The following DNMT3B variants were observed in gnomAD, a reference collection of about 807,000 sequenced individuals.
DNMT3B encodes the protein DNA methyltransferase 3 beta.
Under a neutral mutation model 120.2 loss-of-function variants are expected in DNMT3B, and 37 were observed. The observed-to-expected ratio is 0.31, with a 90% confidence interval of 0.24 to 0.40. DNMT3B has a LOEUF of 0.40. Among genes scored for constraint, DNMT3B ranks in the 10% least tolerant of loss-of-function variants. DNMT3B has a pLI of 1.00. For missense variants in DNMT3B, 878 were observed against 1,137.3 expected (o/e 0.77, Z 3.28); for synonymous variants, 412 against 442.8 (o/e 0.93, Z 0.87).
intron 1 of DNMT3B, among the ~76,000 whole-genome samples, chr20:32,779,402 C>T (rs1180968279): frequency 6.6e-6 from 1 of 152,156 alleles, no homozygotes; most frequent in East Asian, 1.9e-4. Context: ...AGGTGAGCTC[C>T]CCAGTCTCCC....
chr20:32,797,054 G>T, intron 13 of DNMT3B, 133 bp from the exon 14 acceptor site: 1 of 1,605,988 alleles, frequency 6.2e-7, no homozygotes, highest in Non-Finnish European at 8.5e-7. Flanking sequence ...GTCACAGCCA[G>T]TTGTCCTTTT....
At chr20:32,784,600 T>G (rs985406098) in intron 3 of DNMT3B, among the ~76,000 whole-genome samples, 158 bp from the exon 4 acceptor site, 5 of 152,138 alleles carry the variant, frequency 3.3e-5, no homozygotes, top group African/African-American at 9.7e-5. Context: ...TCTGTCGTGG[T>G]TGGTCTGTGT....
intron 9 of DNMT3B, 145 bp from the exon 10 acceptor site, chr20:32,793,391 C>A: frequency 1.1e-6 from 1 of 908,528 alleles, no homozygotes; most frequent in Non-Finnish European, 1.7e-6. Context: ...TGGCTTGAGC[C>A]CAGGAGGCAG....
intron 1 of DNMT3B, among the ~76,000 whole-genome samples, chr20:32,764,327 A>G (rs1031578139): frequency 2.0e-5 from 3 of 152,194 alleles, no homozygotes; most frequent in Admixed American, 6.5e-5. Flanking sequence ...TTTAGGCATA[A>G]TAGCCTCTAC....
chr20:32,800,724 G>T, intron 17 of DNMT3B, 111 bp from the exon 18 acceptor site: 1 of 1,229,218 alleles, frequency 8.1e-7, no homozygotes. Flanking sequence ...AGCCTTCCTG[G>T]GATTACAGGT....
At chr20:32,785,857 C>T (rs563122913) in intron 4 of DNMT3B, among the ~76,000 whole-genome samples, 5 of 138,552 alleles carry the variant, frequency 3.6e-5, no homozygotes, top group East Asian at 5.0e-4. Flanking sequence ...AGAGTGAACA[C>T]GAATTTTTCT....
Position 32,799,394 on chromosome 20 carries a change from G to A in DNMT3B, c.1759+66G>A, listed in dbSNP as rs1981049774. 6 of 1,553,110 alleles carry A rather than the reference G, an allele frequency of 3.9e-6. No individual in the cohort carries two copies. The East Asian group carries it at 1.1e-4, about 29-fold the overall frequency. On this transcript the variant is annotated intron_variant, in intron 16 of 22. Transcript: ENST00000328111. ...CAACAGGGTAGCCAGGGAGTCAGAAGGCATGGTTAAGGTGTCTGACATCAG... is the reference window on the plus strand; with the variant it reads ...CAACAGGGTAGCCAGGGAGTCAGAAAGCATGGTTAAGGTGTCTGACATCAG...
intron 3 of DNMT3B, 100 bp downstream of exon 3, chr20:32,781,514 G>A: frequency 7.8e-7 from 1 of 1,278,154 alleles, no homozygotes; most frequent in Non-Finnish European, 1.1e-6. Flanking sequence ...ATCTGCAAAT[G>A]TATGGAGGGT....
chr20:32,771,538 G>A (rs553913990), intron 1 of DNMT3B, among the ~76,000 whole-genome samples: 2 of 150,598 alleles, frequency 1.3e-5, no homozygotes, highest in African/African-American at 2.5e-5. Flanking sequence ...GGAAGCTGAG[G>A]CAGGAGAATC....
intron 3 of DNMT3B, 52 bp from the exon 4 acceptor site, chr20:32,784,706 A>G: frequency 6.2e-7 from 1 of 1,600,178 alleles, no homozygotes; most frequent in Non-Finnish European, 8.6e-7. Flanking sequence ...TGTTTCTTTG[A>G]CTTGCTGATA....
chr20:32,801,874 C>T (rs1213513766), intron 19 of DNMT3B, among the ~76,000 whole-genome samples: 1 of 152,164 alleles, frequency 6.6e-6, no homozygotes, highest in Non-Finnish European at 1.5e-5. Flanking sequence ...TGTGAGCCAC[C>T]ATCCCCTGCC....
intron 1 of DNMT3B, among the ~76,000 whole-genome samples, chr20:32,773,934 G>GTTTTTTTTTTTTTTTT (rs1161730284): frequency 1.3e-4 from 9 of 69,152 alleles, no homozygotes; most frequent in African/African-American, 5.3e-4. Flanking sequence ...CCCGGCAGTG[G>GTTTTTTTTTTTTTTTT]TTTTTTTTTT....
intron 1 of DNMT3B, chr20:32,779,720 T>G: frequency 3.7e-5 from 9 of 245,730 alleles, no homozygotes; most frequent in South Asian, 1.4e-4. Context: ...AGGAGGGGAG[T>G]GAGCGACAGG....
At chr20:32,798,354 G>C in intron 14 of DNMT3B, 106 bp from the exon 15 acceptor site, 3 of 1,450,608 alleles carry the variant, frequency 2.1e-6, no homozygotes, top group Non-Finnish European at 2.9e-6. Flanking sequence ...CCGATCCTAG[G>C]TAAGCTTTCA....
chr20:32,788,964 G>A lies in DNMT3B; in HGVS notation c.765G>A (p.Met255Ile). The change falls in exon 7 of 23, where the codon ATG becomes ATA. Residue 255 changes from methionine (M) to isoleucine (I), a missense_variant. By Grantham distance (10) the Met-to-Ile change is conservative. This residue lies in a region of DNMT3B where 50 missense variants were observed against 89.7 expected (regional missense o/e 0.56). Transcript: ENST00000328111. ...AGGCCACCTCCAAGCGACAGGCTAT[G>A]TCTGGCATGCGGTGGGTCCAGTGGT... ...SWKATSKRQA[M>I]SGMRWVQWFG... is the part of the protein sequence containing the mutation. The A allele has an allele frequency of 6.2e-7, 1 of 1,614,240 alleles. No individual in the cohort carries two copies. Among genetic ancestry groups the A allele is most frequent in the East Asian group, 2.2e-5 (1 of 44,872 alleles).
Position 32,808,191 on chromosome 20 carries a change from C to CTT in DNMT3B, c.*298_*299dup, listed in dbSNP as rs3215552. 6.8e-5 allele frequency: 26 copies of CTT among 382,252 alleles called. No homozygotes were observed. Among genetic ancestry groups the CTT allele is most frequent in the Admixed American group, 1.3e-4 (3 of 23,992 alleles). 23.7% of individuals were successfully genotyped at this position (382,252 alleles called of 1,614,324 possible). Reference sequence around the variant, plus strand: ...AAACTTGAAGTAGGTAGCAACGTGGCTTTTTTTTTTTCCCTTCCTGGGTCT... The same window carrying CTT: ...AAACTTGAAGTAGGTAGCAACGTGGCTTTTTTTTTTTTTCCCTTCCTGGGTCT... On this transcript the variant is annotated 3_prime_UTR_variant, in exon 23 of 23. Coordinates refer to ENST00000328111, the MANE Select transcript of DNMT3B (RefSeq NM_006892.4).
At chr20:32,797,158 T>C in intron 13 of DNMT3B, 29 bp from the exon 14 acceptor site, 5 of 1,611,770 alleles carry the variant, frequency 3.1e-6, no homozygotes, top group Non-Finnish European at 3.4e-6. Flanking sequence ...TGGTCTCCGA[T>C]TTCACTGGTG....
chr20:32,797,128 C>T (rs1264375076), intron 13 of DNMT3B, 59 bp from the exon 14 acceptor site: 19 of 1,607,740 alleles, frequency 1.2e-5, no homozygotes, highest in Admixed American at 6.7e-5. Context: ...ACCAGCAAGC[C>T]GGCAGGGCCT....
At chr20:32,787,506 A>G (rs1979470507) in intron 6 of DNMT3B, 55 bp downstream of exon 6, 2 of 1,558,828 alleles carry the variant, frequency 1.3e-6, no homozygotes, top group Non-Finnish European at 1.7e-6. Flanking sequence ...AACACGGGGA[A>G]AAACCAGTTA....
Sources: gnomAD v4.1 joint callset for allele counts (sites outside exome capture counted in the v4.1 genomes callset) on GRCh38, gnomAD v4.1.1 for gene constraint, gnomAD v4.1.1 regional missense constraint, MANE v1.5 for transcripts, NCBI Gene and HGNC (gene_info 2026-07-23, HGNC 2026-07-21) for gene names.